The following GMDS variants were observed in gnomAD, a reference collection of about 807,000 sequenced individuals.
The protein encoded by GMDS is GDP-mannose 4,6 dehydratase.
GMDS carries 20 observed loss-of-function variants against 49.9 expected under a neutral mutation model. That is an observed-to-expected ratio of 0.40 (90% CI 0.28 to 0.58). GMDS has a LOEUF of 0.58. Ranked by LOEUF, GMDS falls within the 20% of genes least tolerant of loss-of-function variation. The pLI is 0.42. For missense variants in GMDS, 362 were observed against 481.4 expected, an observed-to-expected ratio of 0.75 and a Z score of 2.32; for synonymous variants, 177 against 178.6, an observed-to-expected ratio of 0.99 and a Z score of 0.07.
intron 9 of GMDS, among the ~76,000 whole-genome samples, chr6:1,643,953 C>A (rs1763411093): frequency 1.3e-5 from 2 of 152,178 alleles, no homozygotes; most frequent in Non-Finnish European, 2.9e-5. Flanking sequence ...AGAGGCCAAG[C>A]CTGACTCCTC....
intron 1 of GMDS, among the ~76,000 whole-genome samples, chr6:2,129,038 G>A (rs193279472): frequency 5.3e-5 from 8 of 152,312 alleles, no homozygotes; most frequent in South Asian, 4.2e-4. Flanking sequence ...CTGTTCTTCC[G>A]AGGGGATGGA....
chr6:1,972,946 C>T (rs1459574817), intron 4 of GMDS, among the ~76,000 whole-genome samples: 1 of 152,186 alleles, frequency 6.6e-6, no homozygotes, highest in Non-Finnish European at 1.5e-5. Context: ...AATATCCATA[C>T]ACTTCACCAG....
At chr6:1,898,461 C>T (rs920720606) in intron 7 of GMDS, among the ~76,000 whole-genome samples, 3 of 152,250 alleles carry the variant, frequency 2.0e-5, no homozygotes, top group Non-Finnish European at 2.9e-5. Context: ...TCAGCCCATT[C>T]GCTTCCTAGG....
chr6:1,889,284 C>T (rs1759761983), intron 7 of GMDS, among the ~76,000 whole-genome samples: 1 of 152,178 alleles, frequency 6.6e-6, no homozygotes, highest in African/African-American at 2.4e-5. Context: ...CATTCCATAG[C>T]ATTTCCCTTT....
chr6:1,950,578 G>A (rs561548113), intron 6 of GMDS, among the ~76,000 whole-genome samples: 11 of 152,272 alleles, frequency 7.2e-5, no homozygotes, highest in South Asian at 2.1e-4. Flanking sequence ...ATTTGAATCC[G>A]AATGTTTTCT....
chr6:1,856,516 G>C (rs1272061394), intron 7 of GMDS, among the ~76,000 whole-genome samples: 2 of 152,214 alleles, frequency 1.3e-5, no homozygotes, highest in Non-Finnish European at 2.9e-5. Flanking sequence ...TGCCCAATTT[G>C]CATTTTAATA....
At chr6:2,241,107 G>A (rs921900882) in intron 1 of GMDS, among the ~76,000 whole-genome samples, 1 of 152,174 alleles carries the variant, frequency 6.6e-6, no homozygotes, top group Non-Finnish European at 1.5e-5. Context: ...CAGAGACCTA[G>A]GAGGACAGCA....
intron 7 of GMDS, among the ~76,000 whole-genome samples, chr6:1,759,988 G>A (rs1347718692): frequency 6.6e-6 from 1 of 151,194 alleles, no homozygotes; most frequent in African/African-American, 2.4e-5. Context: ...TTTGCAGTAA[G>A]AGACCCAGAG....
chr6:2,190,536 G>A (rs965162821), intron 1 of GMDS, among the ~76,000 whole-genome samples: 3 of 152,196 alleles, frequency 2.0e-5, no homozygotes, highest in Non-Finnish European at 2.9e-5. Context: ...GTTTCCTGAG[G>A]TCAGTGTCCT....
intron 4 of GMDS, among the ~76,000 whole-genome samples, chr6:1,967,699 G>A (rs997506893): frequency 2.0e-5 from 3 of 152,184 alleles, no homozygotes; most frequent in African/African-American, 4.8e-5. Context: ...CATTCTTAAG[G>A]CGCAGTCAGG....
intron 7 of GMDS, among the ~76,000 whole-genome samples, chr6:1,926,335 A>G (rs1252951972): frequency 6.6e-6 from 1 of 151,892 alleles, no homozygotes; most frequent in Non-Finnish European, 1.5e-5. Context: ...GTAAACATTC[A>G]CCCCTAGATA....
chr6:2,040,318 G>T (rs1272450233), intron 4 of GMDS, among the ~76,000 whole-genome samples: 1 of 152,154 alleles, frequency 6.6e-6, no homozygotes, highest in African/African-American at 2.4e-5. Context: ...ACCAGGTGGT[G>T]GGCATATCAT....
intron 9 of GMDS, among the ~76,000 whole-genome samples, chr6:1,647,611 T>C (rs1763526152): frequency 6.6e-6 from 1 of 152,184 alleles, no homozygotes; most frequent in Non-Finnish European, 1.5e-5. Flanking sequence ...CAGACACATA[T>C]GCCAGTAACT....
At chr6:2,074,507 A>G (rs1772206198) in intron 4 of GMDS, among the ~76,000 whole-genome samples, 1 of 151,880 alleles carries the variant, frequency 6.6e-6, no homozygotes, top group Admixed American at 6.6e-5. Context: ...GATGCTTTTT[A>G]GTTTAATATA....
intron 6 of GMDS, among the ~76,000 whole-genome samples, chr6:1,949,501 T>A (rs371542589): frequency 2.0e-5 from 3 of 152,136 alleles, no homozygotes; most frequent in African/African-American, 7.2e-5. Context: ...ATTCCAGAAA[T>A]CTCACCTCAG....
rs576579178 is a variant in GMDS, at chr6:1,865,967, A to G, written c.771+64136T>C. Among the ~76,000 whole-genome samples, 3 of 152,242 alleles carry G rather than the reference A, an allele frequency of 2.0e-5. No individual in the cohort carries two copies. The East Asian group carries it at 5.8e-4, about 29-fold the overall frequency. On this transcript the variant is annotated intron_variant, in intron 7 of 10. Transcript: ENST00000380815. ...CACAGAAAAACACTACCCCAAACTC[A>G]ATTCCTGGCTGGCAAACTGTGGTAA...
At chr6:1,738,292 T>A (rs1305255751) in intron 8 of GMDS, among the ~76,000 whole-genome samples, 1 of 152,222 alleles carries the variant, frequency 6.6e-6, no homozygotes, top group East Asian at 1.9e-4. Flanking sequence ...ATTTAAAACG[T>A]TACCTTACAT....
At chr6:1,978,914 G>C (rs1765071152) in intron 4 of GMDS, among the ~76,000 whole-genome samples, 1 of 152,162 alleles carries the variant, frequency 6.6e-6, no homozygotes, top group Non-Finnish European at 1.5e-5. Context: ...TGCCATCTTT[G>C]CTATATCACA....
chr6:1,718,305 C>T (rs998564392), intron 9 of GMDS, among the ~76,000 whole-genome samples: 2 of 152,132 alleles, frequency 1.3e-5, no homozygotes, highest in African/African-American at 2.4e-5. Flanking sequence ...CCGAAGGCAC[C>T]GGGAGTGTGA....
Sources: allele counts gnomAD v4.1 joint callset (sites outside exome capture counted in the v4.1 genomes callset), GRCh38; gene constraint gnomAD v4.1.1; transcripts MANE v1.5; gene names NCBI Gene and HGNC (gene_info 2026-07-23, HGNC 2026-07-21).